Variants in THG1L observed in about 807,000 individuals in gnomAD.
THG1L encodes tRNA-histidine guanylyltransferase 1 like.
A neutral mutation model predicts 35.2 loss-of-function variants in THG1L; 27 were observed. That is an observed-to-expected ratio of 0.77 (90% confidence interval 0.57 to 1.06). The LOEUF (loss-of-function observed/expected upper bound fraction) is 1.06, where lower values mean the gene tolerates loss of function less well. THG1L is among the 50% of genes least tolerant of loss of function. The probability of loss-of-function intolerance (pLI) is 0.00; values close to 1 mark genes in which losing one functional copy is unlikely to be tolerated. For missense variants in THG1L, 377 were observed against 371.8 expected, an observed-to-expected ratio of 1.01 and a Z score of -0.12; for synonymous variants, 135 against 132.4, an observed-to-expected ratio of 1.02 and a Z score of -0.14.
intron 1 of THG1L, among the ~76,000 whole-genome samples, chr5:157,732,243 AAGAGAG>A (rs1289202010): frequency 2.0e-4 from 18 of 90,480 alleles, no homozygotes; most frequent in Middle Eastern, 5.8e-3. Flanking sequence ...AAAAAAAAAA[AAGAGAG>A]AGAGAGAGAG....
In THG1L at chr5:157,732,906, G is replaced by A. The variant is rs750600694; in HGVS notation, c.230G>A (p.Ser77Asn). 6.8e-6 allele frequency: 11 copies of A among 1,614,094 alleles called. No homozygotes were observed. Among genetic ancestry groups the A allele is most frequent in the Non-Finnish European group, 8.5e-6 (10 of 1,180,060 alleles). The change falls in exon 2 of 6, where the codon AGC (serine) becomes AAC (asparagine). Residue 77 changes from serine (S) to asparagine (N), a missense_variant. By Grantham distance (46) the Ser-to-Asn change is conservative (BLOSUM62 1). Transcript: ENST00000231198. The stretch of plus-strand genomic sequence containing the variant: ...CACAACTTTGCAAAACCCAATGACA[G>A]CCGTGCTCTCCAGCTGATGACCAAA... ...EKHNFAKPND[S>N]RALQLMTKCA...
chr5:157,734,023 C>T (rs1364717061), intron 2 of THG1L, among the ~76,000 whole-genome samples: 1 of 152,128 alleles, frequency 6.6e-6, no homozygotes, highest in East Asian at 1.9e-4. Context: ...ATTCGTATCA[C>T]ATCCTGTAGG....
chr5:157,731,861 G>T (rs192128292), intron 1 of THG1L, among the ~76,000 whole-genome samples: 26 of 152,362 alleles, frequency 1.7e-4, no homozygotes, highest in African/African-American at 6.3e-4. Context: ...ATGAGGATCT[G>T]GCTTGGAGTG....
At chr5:157,738,217 A>T (rs1760934215) in intron 5 of THG1L, among the ~76,000 whole-genome samples, 5 of 152,224 alleles carry the variant, frequency 3.3e-5, no homozygotes, top group African/African-American at 1.2e-4. Flanking sequence ...TTTTAGAATT[A>T]GTGCCTTTAT....
In THG1L at chr5:157,739,588, T is replaced by C; in HGVS notation, c.*106T>C. The C allele has an allele frequency of 7.4e-7, 1 of 1,358,798 alleles. No homozygotes were observed. The highest frequency in any genetic ancestry group is 9.9e-7 in the Non-Finnish European group (1 of 1,006,080). 84.2% of individuals were successfully genotyped at this position (1,358,798 alleles called of 1,614,324 possible). A position where few individuals can be genotyped will look rare whatever the true frequency, so the allele number is the denominator to read the frequency against. ...GCATCCCTACCACCCAGGACACTGG[T>C]GCGAATGACACAACTCAAGTTGGGA... is the stretch of plus-strand genomic sequence containing the variant. On this transcript the variant is annotated 3_prime_UTR_variant, in exon 6 of 6. Coordinates refer to ENST00000231198, the MANE Select transcript of THG1L (RefSeq NM_017872.5).
intron 3 of THG1L, 81 bp from the exon 4 acceptor site, chr5:157,735,765 A>G (rs549059105): frequency 2.3e-4 from 218 of 945,764 alleles, no homozygotes; most frequent in Non-Finnish European, 2.3e-4. Flanking sequence ...GGAGAGGGTC[A>G]GGGCTCTAGT....
intron 4 of THG1L, among the ~76,000 whole-genome samples, chr5:157,737,279 G>A (rs968308548): frequency 6.6e-5 from 10 of 152,192 alleles, no homozygotes; most frequent in East Asian, 1.9e-4. Flanking sequence ...ATCACCTGAC[G>A]TCAGGAGTTC....
intron 1 of THG1L, 62 bp downstream of exon 1, chr5:157,731,693 C>A: frequency 2.0e-6 from 3 of 1,534,756 alleles, no homozygotes; most frequent in East Asian, 4.6e-5. Context: ...CCAGCTTCTT[C>A]CCTTGCAAGT....
chr5:157,736,452 G>A (rs559297379), intron 4 of THG1L, among the ~76,000 whole-genome samples: 19 of 152,228 alleles, frequency 1.2e-4, no homozygotes, highest in Non-Finnish European at 2.1e-4. Flanking sequence ...GTTTCACCCC[G>A]TTGGCCAGGC....
chr5:157,732,705 A>G (rs1356856671), intron 1 of THG1L, among the ~76,000 whole-genome samples, 163 bp from the exon 2 acceptor site: 1 of 152,208 alleles, frequency 6.6e-6, no homozygotes, highest in African/African-American at 2.4e-5. Context: ...CAGGAAAAAA[A>G]CTAAGTTCTT....
intron 4 of THG1L, among the ~76,000 whole-genome samples, chr5:157,737,055 C>T (rs1317144822): frequency 2.6e-5 from 4 of 152,164 alleles, no homozygotes; most frequent in Non-Finnish European, 4.4e-5. Context: ...ACCTCAGCCT[C>T]CCAAGTAGCT....
chr5:157,733,884 A>G (rs1760796752), intron 2 of THG1L, among the ~76,000 whole-genome samples: 1 of 152,114 alleles, frequency 6.6e-6, no homozygotes, highest in South Asian at 2.1e-4. Context: ...AGGCAGGAGG[A>G]TCCATTGAGC....
intron 5 of THG1L, among the ~76,000 whole-genome samples, chr5:157,738,889 A>T (rs1760955143): frequency 7.0e-6 from 1 of 142,804 alleles, no homozygotes; most frequent in African/African-American, 2.6e-5. Flanking sequence ...CAGTGGTGCC[A>T]TCTCGGCTCA....
chr5:157,737,156 T>C (rs1487877592), intron 4 of THG1L, among the ~76,000 whole-genome samples: 1 of 152,086 alleles, frequency 6.6e-6, no homozygotes, highest in African/African-American at 2.4e-5. Flanking sequence ...TGGTTGTCAT[T>C]TTTAATAATA....
In THG1L at chr5:157,739,504, G is replaced by T; in HGVS notation, c.*22G>T. The T allele has an allele frequency of 3.1e-6, 5 of 1,606,138 alleles. No individual in the cohort carries two copies. Among genetic ancestry groups the T allele is most frequent in the Non-Finnish European group, 4.3e-6 (5 of 1,176,058 alleles). On this transcript the variant is annotated 3_prime_UTR_variant, in exon 6 of 6. Transcript: ENST00000231198. ...CTGACCCTTTTGCGCTTCAGTTCTG[G>T]TGTGCTTAACCATGCAAGCCCTCCC... is the stretch of plus-strand genomic sequence containing the variant.
intron 4 of THG1L, among the ~76,000 whole-genome samples, chr5:157,736,499 C>T (rs1230252816): frequency 2.0e-5 from 3 of 152,208 alleles, no homozygotes; most frequent in African/African-American, 7.2e-5. Context: ...ATCTGCCTGC[C>T]TGGGCCTCCC....
At position 157,732,215 on chromosome 5, in the gene THG1L, C is replaced by CAAAAAAAAAAA. The variant is rs34744387; in HGVS notation, c.191+603_191+613dup. 1.0e-3 allele frequency among the ~76,000 whole-genome samples: 56 copies of CAAAAAAAAAAA among 53,884 alleles called. 2 individuals carry two copies. The highest frequency in any genetic ancestry group is 1.3e-3 in the Non-Finnish European group (43 of 32,582). The allele number at this position is 53,884 out of a possible 152,430, so 35.3% of individuals were successfully genotyped here. ...TGTTGTTTGTGAAACTCCGCCACTACAAAAAAAAAAAAAAAAAAAAAAAAA... is the reference window on the plus strand; with the variant it reads ...TGTTGTTTGTGAAACTCCGCCACTACAAAAAAAAAAAAAAAAAAAAAAAAAAAAAAAAAAAA... On this transcript the variant is annotated intron_variant, in intron 1 of 5. Coordinates refer to ENST00000231198, the MANE Select transcript of THG1L (RefSeq NM_017872.5).
At position 157,739,572 on chromosome 5, in the gene THG1L, C is replaced by T. The variant is rs1383123353; in HGVS notation, c.*90C>T. The T allele has an allele frequency of 6.9e-7, 1 of 1,448,526 alleles. No individual in the cohort carries two copies. Among genetic ancestry groups the T allele is most frequent in the Non-Finnish European group, 9.3e-7 (1 of 1,077,942 alleles). 89.7% of individuals were successfully genotyped at this position (1,448,526 alleles called of 1,614,324 possible). A position where few individuals can be genotyped will look rare whatever the true frequency, so the allele number is the denominator to read the frequency against. On this transcript the variant is annotated 3_prime_UTR_variant, in exon 6 of 6. Transcript: ENST00000231198. ...GCCTTAGGTGGCTGTAGCATCCCTACCACCCAGGACACTGGTGCGAATGAC... is the reference window on the plus strand; with the variant it reads ...GCCTTAGGTGGCTGTAGCATCCCTATCACCCAGGACACTGGTGCGAATGAC...
rs765429807 is a variant in THG1L at position 157,739,403 on chromosome 5, A to T, written c.818A>T (p.Lys273Met). ...ATGGCAGTGACCCGGACCAGGACAAAGCCAGTGCCCTTGCACTGCGATATC... is the reference window on the plus strand; with the variant it reads ...ATGGCAGTGACCCGGACCAGGACAATGCCAGTGCCCTTGCACTGCGATATC... ...KKMAVTRTRTKPVPLHCDIIG... is the reference protein window; with the variant it reads ...KKMAVTRTRTMPVPLHCDIIG... The change falls in exon 6 of 6, where the codon AAG becomes ATG. Residue 273 changes from lysine (K) to methionine (M), a missense_variant. Coordinates refer to ENST00000231198, the MANE Select transcript of THG1L (RefSeq NM_017872.5). 3.1e-6 allele frequency: 5 copies of T among 1,614,018 alleles called. No individual in the cohort carries two copies. Among genetic ancestry groups the T allele is most frequent in the Middle Eastern group, 1.6e-4 (1 of 6,062 alleles).
Sources: allele counts gnomAD v4.1 joint callset (sites outside exome capture counted in the v4.1 genomes callset), GRCh38; gene constraint gnomAD v4.1.1; transcripts MANE v1.5; gene names NCBI Gene and HGNC (gene_info 2026-07-23, HGNC 2026-07-21).